Variants in GPLD1 observed in about 807,000 individuals in gnomAD.
The protein encoded by GPLD1 is glycosylphosphatidylinositol specific phospholipase D1, also known as phosphatidylinositol-glycan-specific phospholipase D.
GPLD1 carries 84 observed loss-of-function variants against 112.6 expected under a neutral mutation model. That is an observed-to-expected ratio of 0.75 (90% confidence interval 0.63 to 0.89). The LOEUF (loss-of-function observed/expected upper bound fraction) is 0.89. GPLD1 is among the 40% of genes least tolerant of loss of function. GPLD1 has a pLI of 0.00. For synonymous variants in GPLD1, 386 were observed against 403.8 expected (o/e 0.96, Z 0.53); for missense variants, 1,044 against 1,051.5 (o/e 0.99, Z 0.10).
In GPLD1 at chr6:24,428,185, T is replaced by G. The variant is rs1762297827; in HGVS notation, c.*847A>C. The G allele has an allele frequency of 6.7e-6, 1 of 148,354 alleles. No individual in the cohort carries two copies. The highest frequency in any genetic ancestry group is 6.8e-5 in the Admixed American group (1 of 14,692). 9.2% of individuals were successfully genotyped at this position (148,354 alleles called of 1,614,324 possible). A position where few individuals can be genotyped will look rare whatever the true frequency, so the allele number is the denominator to read the frequency against. ...TTTTTTTTTTTTTTTCTGTATACTA[T>G]GCTTTCTATTATACTTTGATTGGCA... On this transcript the variant is annotated 3_prime_UTR_variant, in exon 25 of 25. Transcript: ENST00000230036.
downstream of GPLD1, chr6:24,425,490 G>A (rs1270789826): frequency 1.3e-5 from 2 of 152,232 alleles, no homozygotes; most frequent in South Asian, 4.1e-4. Context: ...GTTAAATCAA[G>A]TATGATTTCA....
intron 24 of GPLD1, 48 bp from the exon 25 acceptor site, chr6:24,429,166 T>C (rs781760414): frequency 2.6e-6 from 3 of 1,166,724 alleles, no homozygotes; most frequent in Non-Finnish European, 2.6e-6. Flanking sequence ...TAACATCTAT[T>C]GAGTTCCTAT....
intron 20 of GPLD1, among the ~76,000 whole-genome samples, chr6:24,442,193 G>GCTCA (rs1032970483): frequency 6.7e-6 from 1 of 148,908 alleles, no homozygotes; most frequent in African/African-American, 2.5e-5. Context: ...TGTGATCATA[G>GCTCA]CTCACTGCAG....
intron 17 of GPLD1, 50 bp downstream of exon 17, chr6:24,447,827 G>A (rs776635706): frequency 3.7e-5 from 58 of 1,575,872 alleles, no homozygotes; most frequent in Admixed American, 5.1e-5. Flanking sequence ...ATAAGTTGTC[G>A]TAGACACACA....
intron 2 of GPLD1, 146 bp from the exon 3 acceptor site, chr6:24,480,105 GTAAA>G (rs1348542510): frequency 3.5e-5 from 20 of 579,572 alleles, no homozygotes; most frequent in East Asian, 2.7e-4. Flanking sequence ...CAGGCATAAA[GTAAA>G]TAAATGATTA....
intron 7 of GPLD1, among the ~76,000 whole-genome samples, chr6:24,469,997 G>T (rs1763744718): frequency 6.6e-6 from 1 of 152,110 alleles, no homozygotes; most frequent in African/African-American, 2.4e-5. Flanking sequence ...TAGCAGGACA[G>T]CAGAAATTTT....
intron 13 of GPLD1, among the ~76,000 whole-genome samples, chr6:24,456,110 T>C (rs1310215682): frequency 7.2e-5 from 11 of 152,108 alleles, no homozygotes; most frequent in Non-Finnish European, 1.5e-4. Flanking sequence ...TTAAAACAGT[T>C]GCAGAGGGCT....
upstream of GPLD1, among the ~76,000 whole-genome samples, chr6:24,492,374 C>T (rs972626815): frequency 6.6e-6 from 1 of 151,790 alleles, no homozygotes; most frequent in Non-Finnish European, 1.5e-5. Flanking sequence ...GGCATGGTGG[C>T]GCGCACCTGT....
chr6:24,458,077 T>C (rs1009242947), intron 12 of GPLD1, among the ~76,000 whole-genome samples: 4 of 151,034 alleles, frequency 2.6e-5, no homozygotes, highest in African/African-American at 7.3e-5. Flanking sequence ...AGAGTGGCCC[T>C]GAACAAGCTG....
At chr6:24,481,303 G>A (rs144727204) in intron 2 of GPLD1, among the ~76,000 whole-genome samples, 78 of 151,056 alleles carry the variant, frequency 5.2e-4, no homozygotes, top group African/African-American at 1.7e-3. Flanking sequence ...GAACTCTGAT[G>A]GACACACTGG....
Position 24,462,913 on chromosome 6 carries a change from GC to G in GPLD1, c.822-119del, listed in dbSNP as rs1486026815. The G allele has an allele frequency of 2.6e-5, 20 of 756,630 alleles. No homozygotes were observed. The East Asian group carries it at 4.5e-4, about 17-fold the overall frequency. 46.9% of individuals were successfully genotyped at this position (756,630 alleles called of 1,614,324 possible). On this transcript the variant is annotated intron_variant, in intron 10 of 24. Coordinates refer to ENST00000230036, the MANE Select transcript of GPLD1 (RefSeq NM_001503.4). ...AAAGGCTTAAAGTGTTTATTACCTA[GC>G]CATACAGGACTAATTAAGAGCCCAT...
chr6:24,463,373 CTT>C (rs2127351139), intron 10 of GPLD1, among the ~76,000 whole-genome samples: 1 of 152,240 alleles, frequency 6.6e-6, no homozygotes, highest in East Asian at 1.9e-4. Flanking sequence ...TGAAGACTAT[CTT>C]AAGATTTGTA....
chr6:24,428,934 C>T lies in GPLD1; in HGVS notation c.*98G>A, dbSNP rs1062526. ...CCCCATGTCTATCAGGATCTACCAC[C>T]GCTCCACTGGATGTGCCACTTTGTC... On this transcript the variant is annotated 3_prime_UTR_variant, in exon 25 of 25. Transcript: ENST00000230036. 5 of 736,782 alleles carry T rather than the reference C, an allele frequency of 6.8e-6. No homozygotes were observed. Among genetic ancestry groups the T allele is most frequent in the Admixed American group, 4.8e-5 (2 of 41,712 alleles). The allele number at this position is 736,782 out of a possible 1,614,324, so 45.6% of individuals were successfully genotyped here. A position where few individuals can be genotyped will look rare whatever the true frequency, so the allele number is the denominator to read the frequency against.
rs1182325751 is a variant in GPLD1 at position 24,445,747 on chromosome 6, C to G, written c.1905G>C (p.Trp635Cys). Residue 635 changes from tryptophan to cysteine, a missense_variant, in exon 19 of 25, where the codon TGG (tryptophan) becomes TGC (cysteine). Coordinates refer to ENST00000230036, the MANE Select transcript of GPLD1 (RefSeq NM_001503.4). ...ATACCTTGTCTCCAGAAATGGTAAACCAGCTTTGGCCGTTTGGTGGGAAGT... is the reference window on the plus strand; with the variant it reads ...ATACCTTGTCTCCAGAAATGGTAAAGCAGCTTTGGCCGTTTGGTGGGAAGT... ...YGYFPPNGQS[W>C]FTISGDKAMG... is the part of the protein sequence containing the mutation. The G allele has an allele frequency of 3.2e-5, 51 of 1,613,688 alleles. No individual in the cohort carries two copies. Among genetic ancestry groups the G allele is most frequent in the Non-Finnish European group, 4.2e-5 (50 of 1,179,740 alleles).
At chr6:24,493,693 T>C (rs1167690456), upstream of GPLD1, among the ~76,000 whole-genome samples, 1 of 152,226 alleles carries the variant, frequency 6.6e-6, no homozygotes, top group Non-Finnish European at 1.5e-5. Context: ...TAAACTCTAC[T>C]GTTATCACTT....
At chr6:24,474,946 CAA>C (rs10646493) in intron 5 of GPLD1, among the ~76,000 whole-genome samples, 173 bp downstream of exon 5, 46 of 108,554 alleles carry the variant, frequency 4.2e-4, no homozygotes, top group Non-Finnish European at 4.3e-4. Context: ...GACTCCATCT[CAA>C]AAAAAAAAAA....
chr6:24,425,310 G>A (rs1455142411), downstream of GPLD1: 1 of 152,122 alleles, frequency 6.6e-6, no homozygotes, highest in Non-Finnish European at 1.5e-5. Flanking sequence ...CTAAGATCAG[G>A]CATAAGATAG....
chr6:24,476,356 T>C (rs1366716592), intron 3 of GPLD1, 78 bp from the exon 4 acceptor site: 1 of 727,728 alleles, frequency 1.4e-6, no homozygotes, highest in Non-Finnish European at 2.4e-6. Flanking sequence ...CACCACCCGC[T>C]GCGCTGCTGT....
At chr6:24,472,684 T>C in intron 6 of GPLD1, 48 bp from the exon 7 acceptor site, 5 of 978,218 alleles carry the variant, frequency 5.1e-6, no homozygotes, top group Non-Finnish European at 8.3e-6. Context: ...GTGACAAACA[T>C]AGCATGCATC....
Sources: allele counts gnomAD v4.1 joint callset (sites outside exome capture counted in the v4.1 genomes callset), GRCh38; gene constraint gnomAD v4.1.1; transcripts MANE v1.5; gene names NCBI Gene and HGNC (gene_info 2026-07-23, HGNC 2026-07-21).